Variants in ERBB4 observed in about 807,000 individuals in gnomAD.
ERBB4 encodes the protein receptor tyrosine-protein kinase erbB-4.
A neutral mutation model predicts 158.0 loss-of-function variants in ERBB4; 42 were observed. That is an observed-to-expected ratio of 0.27 (90% CI 0.21 to 0.34). ERBB4 has a LOEUF of 0.34. ERBB4 is among the 10% of genes least tolerant of loss of function. The pLI is 1.00. For synonymous variants in ERBB4, 583 were observed against 558.7 expected (o/e 1.04, Z -0.61); for missense variants, 1,333 against 1,624.1 (o/e 0.82, Z 3.08).
chr2:212,003,384 T>C (rs922672859), intron 2 of ERBB4, among the ~76,000 whole-genome samples: 1 of 149,202 alleles, frequency 6.7e-6, no homozygotes, highest in Non-Finnish European at 1.5e-5. Context: ...CTAAAGCGTT[T>C]TTTCGTATAA....
chr2:212,117,605 G>C (rs1050311250), intron 2 of ERBB4, among the ~76,000 whole-genome samples: 3 of 152,126 alleles, frequency 2.0e-5, no homozygotes, highest in African/African-American at 7.2e-5. Context: ...ACAAATTCAG[G>C]CTTGTATAGT....
chr2:212,372,202 A>C (rs75001217), intron 1 of ERBB4, among the ~76,000 whole-genome samples: 215 of 152,216 alleles, frequency 1.4e-3, no homozygotes, highest in Middle Eastern at 3.4e-3. Flanking sequence ...TCAGACACAA[A>C]GTATAGCTAT....
rs979674871 is a variant in ERBB4 at position 211,435,327 on chromosome 2, C to T, written c.2488-4227G>A. On this transcript the variant is annotated intron_variant, in intron 20 of 27. Coordinates refer to ENST00000342788, the MANE Select transcript of ERBB4 (RefSeq NM_005235.3). Reference sequence around the variant, plus strand: ...ACAGCAACCACAGTTGACATTGACCCAGTACTTAGAACACAGCGGTCATTA... The same window carrying T: ...ACAGCAACCACAGTTGACATTGACCTAGTACTTAGAACACAGCGGTCATTA... 3.9e-5 allele frequency among the ~76,000 whole-genome samples: 6 copies of T among 152,118 alleles called. No homozygotes were observed. In the East Asian group the frequency reaches 7.7e-4, roughly 20 times the overall value.
chr2:211,493,472 A>C (rs2065395367), intron 20 of ERBB4, among the ~76,000 whole-genome samples: 1 of 152,076 alleles, frequency 6.6e-6, no homozygotes, highest in Admixed American at 6.5e-5. Context: ...AAAATCTCTT[A>C]AGAAATAATT....
chr2:211,679,385 G>A (rs1000049305), intron 12 of ERBB4, among the ~76,000 whole-genome samples: 2 of 152,158 alleles, frequency 1.3e-5, no homozygotes, highest in African/African-American at 2.4e-5. Flanking sequence ...TGTTTGTACA[G>A]CAATCTTGCA....
intron 16 of ERBB4, 136 bp from the exon 17 acceptor site, chr2:211,630,730 G>T: frequency 1.2e-6 from 1 of 822,538 alleles, no homozygotes. Flanking sequence ...AAATATAAAA[G>T]TGCATTAGGT....
At chr2:211,732,673 G>T (rs1446731931) in intron 5 of ERBB4, among the ~76,000 whole-genome samples, 9 of 152,200 alleles carry the variant, frequency 5.9e-5, no homozygotes, top group Admixed American at 5.9e-4. Context: ...TAAAAGTAGG[G>T]CCAGGCCGGA....
chr2:211,452,364 G>C (rs1022825862), intron 20 of ERBB4, among the ~76,000 whole-genome samples: 2 of 152,076 alleles, frequency 1.3e-5, no homozygotes, highest in African/African-American at 4.8e-5. Flanking sequence ...TTTTAGTAGA[G>C]ACAGGGTTTC....
intron 2 of ERBB4, among the ~76,000 whole-genome samples, chr2:212,094,943 A>G (rs1286075112): frequency 1.3e-5 from 2 of 152,196 alleles, no homozygotes; most frequent in Non-Finnish European, 2.9e-5. Flanking sequence ...ATTAAAGGAA[A>G]TTAGAAAATA....
At chr2:212,472,755 T>C (rs1341107566) in intron 1 of ERBB4, among the ~76,000 whole-genome samples, 1 of 151,918 alleles carries the variant, frequency 6.6e-6, no homozygotes, top group Non-Finnish European at 1.5e-5. Context: ...CAAACTTATA[T>C]AAAATTTCCT....
At chr2:211,811,153 G>A (rs1443535744) in intron 3 of ERBB4, among the ~76,000 whole-genome samples, 1 of 152,136 alleles carries the variant, frequency 6.6e-6, no homozygotes, top group Admixed American at 6.5e-5. Flanking sequence ...GGCTCGTACT[G>A]GTTGTTCCTT....
At chr2:212,295,830 T>C (rs1050438529) in intron 1 of ERBB4, among the ~76,000 whole-genome samples, 1 of 152,050 alleles carries the variant, frequency 6.6e-6, no homozygotes, top group African/African-American at 2.4e-5. Flanking sequence ...TTAAATGTTG[T>C]ATGCATGTTT....
rs2063580705 is a variant in ERBB4 at position 211,424,401 on chromosome 2, C to A, written c.2720-100G>T. On this transcript the variant is annotated intron_variant, in intron 22 of 27. Transcript: ENST00000342788. ...AAAAGAATACTCCTTACAGGTCAAT[C>A]CAAACACCAATCAATTAAAAAAAAA... is the stretch of plus-strand genomic sequence containing the variant. 5.3e-6 allele frequency: 4 copies of A among 757,336 alleles called. No homozygotes were observed. In the Admixed American group the frequency reaches 7.9e-5, roughly 15 times the overall value. The allele number at this position is 757,336 out of a possible 1,614,324, so 46.9% of individuals were successfully genotyped here.
chr2:211,840,639 T>C lies in ERBB4; in HGVS notation c.422-52480A>G, dbSNP rs1282899923. Among the ~76,000 whole-genome samples, 3 of 152,268 alleles carry C rather than the reference T, an allele frequency of 2.0e-5. No homozygotes were observed. In the East Asian group the frequency reaches 5.8e-4, roughly 29 times the overall value. On this transcript the variant is annotated intron_variant, in intron 3 of 27. Coordinates refer to ENST00000342788, the MANE Select transcript of ERBB4 (RefSeq NM_005235.3). ...AAAAACAGCACAAGAATGGCTAAGCTGGTTCTCCTAATAGTGCAAGTTCTT... is the reference window on the plus strand; with the variant it reads ...AAAAACAGCACAAGAATGGCTAAGCCGGTTCTCCTAATAGTGCAAGTTCTT...
At chr2:212,343,528 A>G (rs2088827139) in intron 1 of ERBB4, among the ~76,000 whole-genome samples, 1 of 152,140 alleles carries the variant, frequency 6.6e-6, no homozygotes, top group South Asian at 2.1e-4. Flanking sequence ...TAAATTTATA[A>G]CGGGATTTAC....
intron 19 of ERBB4, among the ~76,000 whole-genome samples, chr2:211,603,392 G>T (rs1351811068): frequency 1.3e-5 from 2 of 151,836 alleles, no homozygotes; most frequent in Non-Finnish European, 2.9e-5. Flanking sequence ...AGAATATAAA[G>T]GAAAAAGGTC....
Position 211,955,786 on chromosome 2 carries a change from G to A in ERBB4, c.235-8170C>T, listed in dbSNP as rs115221503. On this transcript the variant is annotated intron_variant, in intron 2 of 27. Transcript: ENST00000342788. ...ACTTACTTGTCCATCTATAAATTCT[G>A]CCTGTTCACATTGCTGGGTAGGAAT... 5.8e-3 allele frequency among the ~76,000 whole-genome samples: 880 copies of A among 152,132 alleles called. 10 individuals carry two copies. The highest frequency in any genetic ancestry group is 8.3e-3 in the Non-Finnish European group (563 of 67,994).
intron 1 of ERBB4, among the ~76,000 whole-genome samples, chr2:212,223,132 T>C (rs1420137974): frequency 6.6e-6 from 1 of 151,426 alleles, no homozygotes; most frequent in Non-Finnish European, 1.5e-5. Flanking sequence ...ATATATCCAT[T>C]ATTTATCTGA....
intron 7 of ERBB4, among the ~76,000 whole-genome samples, chr2:211,714,763 G>C (rs35474968): frequency 0.16 from 24,523 of 152,176 alleles, 2,159 homozygotes; most frequent in South Asian, 0.26. Context: ...TTGCTATAAT[G>C]TCACAATGTC....
Sources: gnomAD v4.1 joint callset for allele counts (sites outside exome capture counted in the v4.1 genomes callset) on GRCh38, gnomAD v4.1.1 for gene constraint, MANE v1.5 for transcripts, NCBI Gene and HGNC (gene_info 2026-07-23, HGNC 2026-07-21) for gene names.